The following UBR1 variants were observed in gnomAD, a reference collection of about 807,000 sequenced individuals.
UBR1 encodes ubiquitin protein ligase E3 component n-recognin 1, also known as E3 ubiquitin-protein ligase UBR1.
UBR1 carries 102 observed loss-of-function variants against 242.1 expected under a neutral mutation model. The observed-to-expected ratio is 0.42, with a 90% CI of 0.36 to 0.50. The LOEUF (loss-of-function observed/expected upper bound fraction) is 0.50, where lower values mean the gene tolerates loss of function less well. UBR1 is among the 20% of genes least tolerant of loss of function. UBR1 has a pLI of 0.01. For synonymous variants in UBR1, 675 were observed against 684.8 expected (o/e 0.99, Z 0.22); for missense variants, 1,772 against 2,101.8 (o/e 0.84, Z 3.07).
chr15:42,959,832 A>G (rs2031984435), intron 43 of UBR1, among the ~76,000 whole-genome samples: 1 of 152,208 alleles, frequency 6.6e-6, no homozygotes, highest in Admixed American at 6.5e-5. Context: ...AGTGGAGGTG[A>G]AAGGAGTTCC....
chr15:43,026,416 T>C, intron 23 of UBR1, 145 bp downstream of exon 23: 2 of 651,712 alleles, frequency 3.1e-6, no homozygotes, highest in South Asian at 1.8e-5. Flanking sequence ...ATAAGATTAT[T>C]GATTCAATTT....
At chr15:43,050,417 T>A (rs543349699) in intron 12 of UBR1, among the ~76,000 whole-genome samples, 4 of 151,680 alleles carry the variant, frequency 2.6e-5, no homozygotes, top group Non-Finnish European at 4.4e-5. Context: ...AAAGAAAAAA[T>A]GAATAAGTGA....
intron 44 of UBR1, among the ~76,000 whole-genome samples, chr15:42,956,324 TTTTTC>T (rs1223720304): frequency 1.3e-5 from 2 of 152,162 alleles, no homozygotes; most frequent in Non-Finnish European, 2.9e-5. Flanking sequence ...GGCAACTTTT[TTTTTC>T]TTTTGAGACA....
At position 43,086,155 on chromosome 15, in the gene UBR1, T is replaced by A. The variant is rs1481641383; in HGVS notation, c.167A>T (p.Asp56Val). The A allele has an allele frequency of 1.2e-6, 2 of 1,613,980 alleles. No homozygotes were observed. The highest frequency in any genetic ancestry group is 2.2e-5 in the East Asian group (1 of 44,862). ...LVPEIYFAEM[D>V]PDLEKQEESV... ...TTCCTCCTGCTTTTCCAAGTCTGGG[T>A]CCATTTCAGCAAAGTAAATTTCTGG... Residue 56 changes from aspartate to valine, a missense_variant, in exon 2 of 47, where the codon GAC becomes GTC. Physicochemically the swap from Asp to Val is radical, Grantham distance 152. Coordinates refer to ENST00000290650, the MANE Select transcript of UBR1 (RefSeq NM_174916.3).
intron 19 of UBR1, among the ~76,000 whole-genome samples, chr15:43,035,527 GC>G (rs1404958864): frequency 3.3e-5 from 5 of 150,320 alleles, no homozygotes; most frequent in African/African-American, 1.2e-4. Flanking sequence ...CTGGATATTA[GC>G]CCTTTGTCAG....
In UBR1 at chr15:42,966,167, T is replaced by G. The variant is rs2032102428; in HGVS notation, c.4577A>C (p.Glu1526Ala). The change falls in exon 41 of 47, where the codon GAG becomes GCG. Residue 1526 changes from glutamate (E) to alanine (A), a missense_variant. Physicochemically the swap from Glu to Ala is moderately radical, Grantham distance 107. This residue lies in a region of UBR1 where 965 missense variants were observed against 1,079.7 expected (regional missense o/e 0.89). Transcript: ENST00000290650. ...TTTCTACTTACTGGTATGCAGTTCC[T>G]CAGGCGGAGTTACCCCAAGTAAATA... is the stretch of plus-strand genomic sequence containing the variant. Reference protein sequence around the residue: ...FHYLLGVTPPEELHTNSAEGE... With the variant: ...FHYLLGVTPPAELHTNSAEGE... 6.2e-7 allele frequency: 1 copy of G among 1,614,014 alleles called. No individual in the cohort carries two copies. The highest frequency in any genetic ancestry group is 1.3e-5 in the African/African-American group (1 of 74,912).
At chr15:43,074,554 C>T (rs2033863135) in intron 4 of UBR1, among the ~76,000 whole-genome samples, 1 of 152,072 alleles carries the variant, frequency 6.6e-6, no homozygotes, top group Admixed American at 6.5e-5. Flanking sequence ...TCAGTCCCCC[C>T]AAGTAGCTGC....
intron 46 of UBR1, among the ~76,000 whole-genome samples, chr15:42,947,347 GAGA>G (rs1431557563): frequency 2.0e-5 from 3 of 152,106 alleles, no homozygotes; most frequent in African/African-American, 7.2e-5. Flanking sequence ...TCAAATTTTG[GAGA>G]AGTTGTTGAA....
intron 4 of UBR1, among the ~76,000 whole-genome samples, chr15:43,074,431 T>C (rs1278779131): frequency 1.3e-5 from 2 of 152,202 alleles, no homozygotes; most frequent in African/African-American, 2.4e-5. Context: ...TTATATGTTG[T>C]GTACTATTTT....
intron 35 of UBR1, among the ~76,000 whole-genome samples, chr15:42,985,731 G>A (rs1170239344): frequency 6.6e-6 from 1 of 150,646 alleles, no homozygotes; most frequent in East Asian, 2.0e-4. Context: ...GTTCATGCCT[G>A]TAATCCCTGG....
intron 11 of UBR1, among the ~76,000 whole-genome samples, chr15:43,055,370 G>C (rs2033604321): frequency 6.6e-6 from 1 of 152,156 alleles, no homozygotes; most frequent in Admixed American, 6.5e-5. Flanking sequence ...CTTGAACCAG[G>C]AGGCGGAGGT....
At chr15:43,033,458 A>C (rs2033284839) in intron 19 of UBR1, among the ~76,000 whole-genome samples, 1 of 152,080 alleles carries the variant, frequency 6.6e-6, no homozygotes, top group South Asian at 2.1e-4. Flanking sequence ...AGCCTGACCA[A>C]CATCGTGAAA....
chr15:43,059,302 C>T, intron 8 of UBR1, 110 bp from the exon 9 acceptor site: 5 of 889,256 alleles, frequency 5.6e-6, no homozygotes, highest in South Asian at 2.8e-5. Context: ...TGGGCTCAAG[C>T]GATCCTTCCA....
rs374068911 is a variant in UBR1, at chr15:43,022,304, T to G, written c.2839+398A>C. On this transcript the variant is annotated intron_variant, in intron 26 of 46. Coordinates refer to ENST00000290650, the MANE Select transcript of UBR1 (RefSeq NM_174916.3). ...GCAAAATGAACGTTATCATTCAGAT[T>G]TCTATCATTTAAAATTCAGAAACAA... Among the ~76,000 whole-genome samples, 275 of 152,264 alleles carry G rather than the reference T, an allele frequency of 1.8e-3. 2 individuals carry two copies. Among genetic ancestry groups the G allele is most frequent in the African/African-American group, 6.3e-3 (261 of 41,552 alleles).
At chr15:43,027,689 G>T (rs768406188) in intron 22 of UBR1, 87 bp downstream of exon 22, 23 of 1,273,658 alleles carry the variant, frequency 1.8e-5, no homozygotes, top group Non-Finnish European at 2.3e-5. Flanking sequence ...GTTCAGGCAA[G>T]AACTTCAGAG....
chr15:43,059,945 T>A, intron 7 of UBR1, 107 bp downstream of exon 7: 1 of 1,543,590 alleles, frequency 6.5e-7, no homozygotes, highest in Non-Finnish European at 9.0e-7. Context: ...TGCATCTAGG[T>A]GCCCCAAACC....
At chr15:43,031,242 TAAAA>T (rs1327556417) in intron 20 of UBR1, among the ~76,000 whole-genome samples, 1 of 149,700 alleles carries the variant, frequency 6.7e-6, no homozygotes, top group African/African-American at 2.5e-5. Flanking sequence ...AAGTATTAAC[TAAAA>T]ATCAAATCAC....
At chr15:43,075,154 G>A in intron 3 of UBR1, 65 bp from the exon 4 acceptor site, 1 of 1,206,532 alleles carries the variant, frequency 8.3e-7, no homozygotes, top group South Asian at 1.2e-5. Context: ...GAATGATAAA[G>A]ATGACTCAAA....
intron 20 of UBR1, 21 bp from the exon 21 acceptor site, chr15:43,030,089 C>CA (rs751141476): frequency 1.5e-4 from 245 of 1,586,246 alleles, no homozygotes; most frequent in Non-Finnish European, 1.7e-4. Context: ...TAATTAAAAA[C>CA]AAAAAAAAAG....
Sources: allele counts gnomAD v4.1 joint callset (sites outside exome capture counted in the v4.1 genomes callset), GRCh38; gene constraint gnomAD v4.1.1; regional missense constraint gnomAD v4.1.1; transcripts MANE v1.5; gene names NCBI Gene and HGNC (gene_info 2026-07-23, HGNC 2026-07-21).